SMUG1: variants seen among roughly 807,000 people sequenced by gnomAD.
SMUG1 encodes single-strand selective monofunctional uracil DNA glycosylase.
SMUG1 carries 13 observed loss-of-function variants against 23.9 expected under a neutral mutation model. The observed-to-expected ratio is 0.54, with a 90% CI of 0.35 to 0.86. The LOEUF (loss-of-function observed/expected upper bound fraction) is 0.86. Among genes scored for constraint, SMUG1 ranks in the 40% least tolerant of loss-of-function variants. The pLI, the probability that SMUG1 is intolerant of heterozygous loss-of-function variation, is 0.01. For synonymous variants in SMUG1, 133 were observed against 139.8 expected, an observed-to-expected ratio of 0.95 and a Z score of 0.34; for missense variants, 313 against 339.5, an observed-to-expected ratio of 0.92 and a Z score of 0.61.
chr12:54,182,313 C>T lies in SMUG1; in HGVS notation c.596G>A (p.Cys199Tyr). The T allele has an allele frequency of 1.9e-6, 3 of 1,613,808 alleles. No individual in the cohort carries two copies. Among genetic ancestry groups the T allele is most frequent in the Non-Finnish European group, 2.5e-6 (3 of 1,179,840 alleles). ...CACCCCCAGCAGCTGCACCTGCCGGCAGAGGGCTGCATCACAGATCCCAAG... is the reference window on the plus strand; with the variant it reads ...CACCCCCAGCAGCTGCACCTGCCGGTAGAGGGCTGCATCACAGATCCCAAG... ...QLLGICDAAL[C>Y]RQVQLLGVRL... Residue 199 changes from cysteine (C) to tyrosine (Y), a missense_variant, in exon 4 of 4, where the codon TGC becomes TAC. Coordinates refer to ENST00000682136, the MANE Select transcript of SMUG1 (RefSeq NM_001243787.2).
rs112681543 is a variant in SMUG1, at chr12:54,185,765, C to T, written c.-19-1806G>A. The stretch of plus-strand genomic sequence containing the variant: ...CTGGGAGGCAGAGGTTGCAGTGAGC[C>T]GAGATTGTGCCACTGCACTCCAGCC... On this transcript the variant is annotated intron_variant, in intron 2 of 3. Transcript: ENST00000682136. Among the ~76,000 whole-genome samples the T allele has an allele frequency of 2.8e-3, 432 of 152,032 alleles. 3 individuals are homozygous for T. Among genetic ancestry groups the T allele is most frequent in the African/African-American group, 9.7e-3 (401 of 41,464 alleles).
chr12:54,173,621 T>C (rs1219451033), intron 2 of SMUG1, among the ~76,000 whole-genome samples: 3 of 152,184 alleles, frequency 2.0e-5, no homozygotes, highest in South Asian at 2.1e-4. Flanking sequence ...TGCATTTAAA[T>C]GTTATTTAAT....
intron 2 of SMUG1, among the ~76,000 whole-genome samples, chr12:54,173,612 G>T (rs960428981): frequency 6.6e-6 from 1 of 152,240 alleles, no homozygotes; most frequent in Non-Finnish European, 1.5e-5. Flanking sequence ...GGCTGGTTAT[G>T]CATTTAAATG....
At chr12:54,164,701 C>T (rs908046988), downstream of SMUG1, 2 of 152,342 alleles carry the variant, frequency 1.3e-5, no homozygotes, top group Non-Finnish European at 2.9e-5. Flanking sequence ...AAACAGTCCC[C>T]AAAGCAGAAC....
downstream of SMUG1, among the ~76,000 whole-genome samples, chr12:54,179,045 T>G (rs1469744754): frequency 5.3e-5 from 8 of 152,190 alleles, no homozygotes; most frequent in Non-Finnish European, 8.8e-5. Context: ...ATTAGACTCT[T>G]AAGTTCTTCA....
At chr12:54,183,495 G>A in intron 3 of SMUG1, 161 bp downstream of exon 3, 1 of 687,660 alleles carries the variant, frequency 1.5e-6, no homozygotes, top group South Asian at 1.8e-5. Flanking sequence ...GCTGGGAGAG[G>A]GCCTCGGACC....
downstream of SMUG1, among the ~76,000 whole-genome samples, chr12:54,164,072 G>A (rs1195647185): frequency 1.3e-5 from 2 of 152,096 alleles, 1 homozygote; most frequent in Middle Eastern, 6.3e-3. Context: ...GGGTTAGTAA[G>A]AAGAAAGAGA....
At chr12:54,160,062 C>A (rs1442568360), downstream of SMUG1, among the ~76,000 whole-genome samples, 5 of 152,286 alleles carry the variant, frequency 3.3e-5, no homozygotes, top group Middle Eastern at 0.017. Flanking sequence ...GAGAGGGGAG[C>A]CCCTGAAACT....
intron 3 of SMUG1, chr12:54,168,215 A>G (rs140633665): frequency 2.0e-5 from 3 of 151,994 alleles, no homozygotes; most frequent in African/African-American, 7.2e-5. Context: ...GTGACCTTGG[A>G]CCTCCTCTTT....
At chr12:54,186,057 T>G (rs1200491038) in intron 2 of SMUG1, among the ~76,000 whole-genome samples, 2 of 152,118 alleles carry the variant, frequency 1.3e-5, no homozygotes, top group Non-Finnish European at 2.9e-5. Flanking sequence ...CTTTCCTGCC[T>G]CAACTCCCAA....
In SMUG1 at chr12:54,181,034, C is replaced by T. The variant is rs1448671864; in HGVS notation, c.*1062G>A. 6.6e-6 allele frequency: 1 copy of T among 152,508 alleles called. No individual in the cohort carries two copies. Among genetic ancestry groups the T allele is most frequent in the Non-Finnish European group, 1.5e-5 (1 of 68,612 alleles). 9.4% of individuals were successfully genotyped at this position (152,508 alleles called of 1,614,324 possible). On this transcript the variant is annotated 3_prime_UTR_variant, in exon 4 of 4. Coordinates refer to ENST00000682136, the MANE Select transcript of SMUG1 (RefSeq NM_001243787.2). ...ATCTACTACATCCTTCCCCCAGCTG[C>T]CCAAGAGAACCCCTGGCCAACAATG...
rs375200213 is a variant in SMUG1 at position 54,182,056 on chromosome 12, C to A, written c.*40G>T. 3.3e-6 allele frequency: 5 copies of A among 1,514,692 alleles called. No individual in the cohort carries two copies. Among genetic ancestry groups the A allele is most frequent in the Non-Finnish European group, 4.4e-6 (5 of 1,132,406 alleles). 93.8% of individuals were successfully genotyped at this position (1,514,692 alleles called of 1,614,324 possible). ...TCATCTGCTTGGCCAAGAATGACTTCGAGGTCTTGAATGTGTCCCATGCAA... is the reference window on the plus strand; with the variant it reads ...TCATCTGCTTGGCCAAGAATGACTTAGAGGTCTTGAATGTGTCCCATGCAA... On this transcript the variant is annotated 3_prime_UTR_variant, in exon 4 of 4. Transcript: ENST00000682136.
At chr12:54,175,184 G>T (rs1940723584) in intron 2 of SMUG1, 1 of 152,234 alleles carries the variant, frequency 6.6e-6, no homozygotes, top group South Asian at 2.1e-4. Flanking sequence ...CTTAGTCTGG[G>T]ATAGGCTGCA....
chr12:54,171,686 CAAAAAAAAA>C (rs55830557), intron 3 of SMUG1, among the ~76,000 whole-genome samples: 2 of 69,058 alleles, frequency 2.9e-5, no homozygotes, highest in South Asian at 1.5e-3. Context: ...AGTCTTGTCT[CAAAAAAAAA>C]AAAAAAAAAA....
downstream of SMUG1, among the ~76,000 whole-genome samples, chr12:54,160,811 C>A (rs1255026329): frequency 6.6e-6 from 1 of 152,240 alleles, no homozygotes; most frequent in African/African-American, 2.4e-5. Context: ...TCAAGCCGCA[C>A]CCCCAACACT....
chr12:54,171,999 T>C, intron 3 of SMUG1: 1 of 439,790 alleles, frequency 2.3e-6, no homozygotes, highest in Non-Finnish European at 4.7e-6. Flanking sequence ...GCCATCTCCC[T>C]GGTCCTGGCC....
intron 2 of SMUG1, 66 bp from the exon 3 acceptor site, chr12:54,184,025 G>T (rs1941760808): frequency 3.0e-6 from 4 of 1,337,290 alleles, no homozygotes; most frequent in Middle Eastern, 2.4e-4. Context: ...ATCCATGCTT[G>T]CCAGGGCCCC....
At position 54,181,220 on chromosome 12, in the gene SMUG1, G is replaced by A. The variant is rs1434879774; in HGVS notation, c.*876C>T. 7 of 284,614 alleles carry A rather than the reference G, an allele frequency of 2.5e-5. No homozygotes were observed. The highest frequency in any genetic ancestry group is 4.6e-5 in the Admixed American group (1 of 21,600). 17.6% of individuals were successfully genotyped at this position (284,614 alleles called of 1,614,324 possible). On this transcript the variant is annotated 3_prime_UTR_variant, in exon 4 of 4. Transcript: ENST00000682136. ...ATAGTCATTGATCCATCTCTGACAT[G>A]GCAAGAATTTTCCCTTCACCCTGGC...
intron 3 of SMUG1, among the ~76,000 whole-genome samples, chr12:54,169,754 G>C (rs1940566922): frequency 6.6e-6 from 1 of 152,238 alleles, no homozygotes; most frequent in South Asian, 2.1e-4. Context: ...TATTCTGCAT[G>C]CTGTGAGTAA....
Sources: gnomAD v4.1 joint callset for allele counts (sites outside exome capture counted in the v4.1 genomes callset) on GRCh38, gnomAD v4.1.1 for gene constraint, MANE v1.5 for transcripts, NCBI Gene and HGNC (gene_info 2026-07-23, HGNC 2026-07-21) for gene names.